Variants in MARK3 observed in about 807,000 individuals in gnomAD.
The protein encoded by MARK3 is microtubule affinity regulating kinase 3.
Under a neutral mutation model 90.1 loss-of-function variants are expected in MARK3, and 46 were observed. That is an observed-to-expected ratio of 0.51 (90% confidence interval 0.40 to 0.65). The LOEUF (loss-of-function observed/expected upper bound fraction) is 0.65, where lower values mean the gene tolerates loss of function less well. MARK3 is among the 30% of genes least tolerant of loss of function. The pLI, the probability that MARK3 is intolerant of heterozygous loss-of-function variation, is 0.00. For missense variants in MARK3, 818 were observed against 947.2 expected (o/e 0.86, Z 1.79); for synonymous variants, 321 against 332.6 (o/e 0.97, Z 0.38).
At position 103,491,833 on chromosome 14, in the gene MARK3, C is replaced by A. The variant is rs1465152048; in HGVS notation, c.1643C>A (p.Ala548Asp). 4.3e-6 allele frequency: 7 copies of A among 1,614,056 alleles called. No homozygotes were observed. The highest frequency in any genetic ancestry group is 5.9e-6 in the Non-Finnish European group (7 of 1,180,026). Residue 548 changes from alanine to aspartate, a missense_variant, in exon 15 of 18, where the codon GCC becomes GAC. By Grantham distance (126) the Ala-to-Asp change is moderately radical. This residue lies in a region of MARK3 where 560 missense variants were observed against 613.5 expected (regional missense o/e 0.91). Transcript: ENST00000429436. Reference protein sequence around the residue: ...VASTHSISSAATPDRIRFPRG... With the variant: ...VASTHSISSADTPDRIRFPRG... The stretch of plus-strand genomic sequence containing the variant: ...TCAACACACAGTATCAGTAGTGCAG[C>A]CACCCCAGATCGAATCCGCTTCCCA...
chr14:103,405,913 C>T (rs1270671680), intron 2 of MARK3, among the ~76,000 whole-genome samples: 1 of 150,438 alleles, frequency 6.6e-6, no homozygotes, highest in Non-Finnish European at 1.5e-5. Flanking sequence ...ATTTTCAAGA[C>T]AGGGCCTTGC....
At chr14:103,469,688 G>GGT (rs765464189) in intron 12 of MARK3, among the ~76,000 whole-genome samples, 2 of 151,334 alleles carry the variant, frequency 1.3e-5, no homozygotes, top group Non-Finnish European at 3.0e-5. Flanking sequence ...CCTGACCTCA[G>GGT]GTGATCCACC....
chr14:103,441,372 C>A (rs1192843299), intron 3 of MARK3: 1 of 152,186 alleles, frequency 6.6e-6, no homozygotes, highest in Non-Finnish European at 1.5e-5. Context: ...GCAAGCTTCG[C>A]CTCCCGGGTT....
At chr14:103,480,543 A>G in intron 14 of MARK3, 53 bp downstream of exon 14, 1 of 1,076,698 alleles carries the variant, frequency 9.3e-7, no homozygotes. Context: ...AGAGAAATGG[A>G]AGCATGTTAT....
chr14:103,451,947 A>G lies in MARK3; in HGVS notation c.376A>G (p.Lys126Glu). The change falls in exon 5 of 18, where the codon AAA (lysine) becomes GAA (glutamate). Residue 126 changes from lysine (K) to glutamate (E), a missense_variant. Coordinates refer to ENST00000429436, the MANE Select transcript of MARK3 (RefSeq NM_001128918.3). ...GTTATTCGAAGTCATTGAAACTGAAAAAACACTCTACCTAATCATGGAATA... is the reference window on the plus strand; with the variant it reads ...GTTATTCGAAGTCATTGAAACTGAAGAAACACTCTACCTAATCATGGAATA... Reference protein sequence around the residue: ...VKLFEVIETEKTLYLIMEYAS... With the variant: ...VKLFEVIETEETLYLIMEYAS... 6.2e-7 allele frequency: 1 copy of G among 1,612,672 alleles called. No individual in the cohort carries two copies. The highest frequency in any genetic ancestry group is 8.5e-7 in the Non-Finnish European group (1 of 1,179,312).
intron 6 of MARK3, among the ~76,000 whole-genome samples, chr14:103,460,601 G>T (rs1421771543): frequency 2.0e-5 from 3 of 152,152 alleles, no homozygotes; most frequent in African/African-American, 7.2e-5. Flanking sequence ...GGTTAGCTTT[G>T]AGCTGTTTTG....
At chr14:103,485,939 G>A (rs1227370116) in intron 14 of MARK3, among the ~76,000 whole-genome samples, 1 of 152,028 alleles carries the variant, frequency 6.6e-6, no homozygotes, top group African/African-American at 2.4e-5. Flanking sequence ...AAGATTAATA[G>A]GAACTCTCTT....
chr14:103,397,925 T>C (rs2090690632), intron 1 of MARK3, among the ~76,000 whole-genome samples: 1 of 152,232 alleles, frequency 6.6e-6, no homozygotes, highest in Non-Finnish European at 1.5e-5. Flanking sequence ...GTCATTACTC[T>C]TACCCTCCAC....
At chr14:103,468,239 C>G in intron 12 of MARK3, 53 bp downstream of exon 12, 1 of 1,511,152 alleles carries the variant, frequency 6.6e-7, no homozygotes, top group Non-Finnish European at 9.0e-7. Flanking sequence ...CAAGAGGTCT[C>G]CTAGCACTGG....
At chr14:103,441,065 C>T (rs1230453481) in intron 3 of MARK3, among the ~76,000 whole-genome samples, 1 of 151,258 alleles carries the variant, frequency 6.6e-6, no homozygotes, top group Non-Finnish European at 1.5e-5. Flanking sequence ...ACGTATTCAT[C>T]TTTTGTTTAA....
At chr14:103,401,334 C>G (rs2090953320) in intron 1 of MARK3, among the ~76,000 whole-genome samples, 1 of 152,140 alleles carries the variant, frequency 6.6e-6, no homozygotes, top group Admixed American at 6.5e-5. Flanking sequence ...TGAGGAAATA[C>G]AAGTTTCTTT....
chr14:103,486,003 A>G (rs1321931430), intron 14 of MARK3, among the ~76,000 whole-genome samples: 1 of 152,182 alleles, frequency 6.6e-6, no homozygotes, highest in Non-Finnish European at 1.5e-5. Context: ...TTAAGGTTTA[A>G]ATGTAGACCA....
intron 3 of MARK3, among the ~76,000 whole-genome samples, chr14:103,432,445 C>A (rs545821113): frequency 6.6e-6 from 1 of 152,274 alleles, no homozygotes; most frequent in South Asian, 2.1e-4. Context: ...TCCCTTCCTT[C>A]CACTGGCCTT....
intron 13 of MARK3, 120 bp downstream of exon 13, chr14:103,475,330 C>T (rs1331589216): frequency 4.1e-6 from 3 of 725,996 alleles, no homozygotes; most frequent in African/African-American, 1.8e-5. Flanking sequence ...ACTAGGCAGC[C>T]ATGCCCAATC....
At chr14:103,485,252 C>CTTTTT (rs36010258) in intron 14 of MARK3, among the ~76,000 whole-genome samples, 5 of 83,580 alleles carry the variant, frequency 6.0e-5, no homozygotes, top group African/African-American at 2.0e-4. Context: ...AAAAAGGCTG[C>CTTTTT]TTTTTTTTTT....
intron 1 of MARK3, among the ~76,000 whole-genome samples, chr14:103,393,564 A>G (rs1405050079): frequency 6.6e-6 from 1 of 152,198 alleles, no homozygotes; most frequent in African/African-American, 2.4e-5. Context: ...TTATGTATGT[A>G]AATGAGGTAA....
intron 5 of MARK3, among the ~76,000 whole-genome samples, chr14:103,452,945 T>C (rs1453653463): frequency 6.6e-6 from 1 of 152,242 alleles, no homozygotes; most frequent in Non-Finnish European, 1.5e-5. Flanking sequence ...TATTTAAACA[T>C]ATGAATGCTT....
At chr14:103,404,027 T>G (rs2091126239) in intron 1 of MARK3, among the ~76,000 whole-genome samples, 1 of 152,136 alleles carries the variant, frequency 6.6e-6, no homozygotes, top group Non-Finnish European at 1.5e-5. Context: ...AGAGAAATAA[T>G]GAAGAAGTAG....
chr14:103,409,406 G>A (rs889993020), intron 2 of MARK3, among the ~76,000 whole-genome samples: 3 of 118,578 alleles, frequency 2.5e-5, no homozygotes, highest in African/African-American at 1.0e-4. Flanking sequence ...TAACCTGCAC[G>A]TTCTGCACAT....
Sources: gnomAD v4.1 joint callset for allele counts (sites outside exome capture counted in the v4.1 genomes callset) on GRCh38, gnomAD v4.1.1 for gene constraint, gnomAD v4.1.1 regional missense constraint, MANE v1.5 for transcripts, NCBI Gene and HGNC (gene_info 2026-07-23, HGNC 2026-07-21) for gene names.